The following BCAS3 variants were observed in gnomAD, a reference collection of about 807,000 sequenced individuals.
BCAS3 encodes BCAS4/BCAS3 fusion.
A neutral mutation model predicts 116.1 loss-of-function variants in BCAS3; 53 were observed. The observed-to-expected ratio is 0.46, with a 90% CI of 0.37 to 0.57. The LOEUF is 0.57. Among genes scored for constraint, BCAS3 ranks in the 20% least tolerant of loss-of-function variants. The pLI is 0.00. For synonymous variants in BCAS3, 391 were observed against 408.2 expected (o/e 0.96, Z 0.51); for missense variants, 917 against 1,165.4 (o/e 0.79, Z 3.10).
chr17:61,045,913 TTATATATATAATATATATAA>T (rs2068093410), intron 19 of BCAS3, among the ~76,000 whole-genome samples: 1 of 26,138 alleles, frequency 3.8e-5, no homozygotes, highest in South Asian at 1.1e-3. Context: ...AAATATATAT[TTATATATATAATATATATAA>T]ATATATATAT....
At chr17:61,163,929 A>G (rs772881068) in intron 22 of BCAS3, among the ~76,000 whole-genome samples, 44 of 149,136 alleles carry the variant, frequency 3.0e-4, no homozygotes, top group Non-Finnish European at 5.3e-4. Context: ...TCTGGGAGGC[A>G]GAGGTTGCAG....
chr17:61,336,237 C>G (rs1042483268), intron 22 of BCAS3, among the ~76,000 whole-genome samples: 2 of 152,268 alleles, frequency 1.3e-5, no homozygotes, highest in Admixed American at 1.3e-4. Context: ...TTTGGCAGCT[C>G]TTGAAAGCAC....
At chr17:60,741,185 GC>G (rs1434412020) in intron 5 of BCAS3, among the ~76,000 whole-genome samples, 2 of 152,140 alleles carry the variant, frequency 1.3e-5, no homozygotes, top group Non-Finnish European at 2.9e-5. Flanking sequence ...TTTTGGGGCA[GC>G]AGTTTGCTCT....
chr17:61,351,699 C>T lies in BCAS3; in HGVS notation c.2426-16628C>T, dbSNP rs533418889. Among the ~76,000 whole-genome samples the T allele has an allele frequency of 2.1e-3, 313 of 152,298 alleles. 1 individual carries two copies. The highest frequency in any genetic ancestry group is 7.2e-3 in the African/African-American group (300 of 41,564). ...CTCAATGGCCTTATAACCACCTCAT[C>T]TCTCCCCCTTCCGCATCTCAGAATG... On this transcript the variant is annotated intron_variant, in intron 22 of 23. Coordinates refer to ENST00000407086, the MANE Select transcript of BCAS3 (RefSeq NM_017679.5).
At chr17:60,784,392 A>G (rs9910391) in intron 6 of BCAS3, among the ~76,000 whole-genome samples, 40,899 of 144,614 alleles carry the variant, frequency 0.28, 11,148 homozygotes, top group African/African-American at 0.72. Flanking sequence ...TCCACCTCCC[A>G]GGTTCATGCC....
chr17:60,684,158 G>A (rs1023328003), intron 3 of BCAS3, 122 bp downstream of exon 3: 1 of 849,438 alleles, frequency 1.2e-6, no homozygotes, highest in Non-Finnish European at 1.9e-6. Context: ...TTAGCATCCT[G>A]AGCATTCGTA....
At chr17:61,033,065 T>G (rs2066758980) in intron 16 of BCAS3, among the ~76,000 whole-genome samples, 1 of 152,140 alleles carries the variant, frequency 6.6e-6, no homozygotes, top group Admixed American at 6.6e-5. Flanking sequence ...ACTGGGAAAC[T>G]GAGATTACCA....
chr17:60,866,830 A>G (rs895556693), intron 7 of BCAS3, among the ~76,000 whole-genome samples: 6 of 151,994 alleles, frequency 3.9e-5, no homozygotes, highest in African/African-American at 1.4e-4. Context: ...TATTGATTCT[A>G]TTATCTTTAA....
At chr17:60,913,179 C>A (rs2058606733) in intron 12 of BCAS3, among the ~76,000 whole-genome samples, 2 of 151,886 alleles carry the variant, frequency 1.3e-5, no homozygotes, top group South Asian at 4.1e-4. Context: ...ACACTTGAAA[C>A]AAATATGTTT....
At chr17:60,678,248 G>T (rs536636295) in intron 1 of BCAS3, among the ~76,000 whole-genome samples, 1 of 152,310 alleles carries the variant, frequency 6.6e-6, no homozygotes, top group South Asian at 2.1e-4. Context: ...TGAGAGGGCT[G>T]AGGGGCTGGA....
intron 23 of BCAS3, chr17:61,389,489 A>G (rs1603230229): frequency 6.6e-6 from 1 of 152,380 alleles, no homozygotes; most frequent in South Asian, 2.1e-4. Flanking sequence ...TGTGCTGTAC[A>G]TAGCCCACTC....
intron 6 of BCAS3, among the ~76,000 whole-genome samples, chr17:60,789,652 G>C (rs1297500672): frequency 6.6e-6 from 1 of 152,128 alleles, no homozygotes; most frequent in Non-Finnish European, 1.5e-5. Context: ...CTGTAGAACA[G>C]GTGTGTGTAA....
At position 61,104,601 on chromosome 17, in the gene BCAS3, G is replaced by A. The variant is rs192349962; in HGVS notation, c.2425+20037G>A. Among the ~76,000 whole-genome samples the A allele has an allele frequency of 4.6e-5, 7 of 152,244 alleles. No individual in the cohort carries two copies. Among genetic ancestry groups the A allele is most frequent in the Admixed American group, 1.3e-4 (2 of 15,288 alleles). On this transcript the variant is annotated intron_variant, in intron 22 of 23. Transcript: ENST00000407086. This position sits in a 1 kb window ranked among gnomAD's most constrained non-coding sequence, Gnocchi z 4.1. ...TAGCAGTCTCATTTACTTAGGATCC[G>A]TGTCAGCGCCTTGAGCTCCAAATCG...
At position 61,332,662 on chromosome 17, in the gene BCAS3, C is replaced by A. The variant is rs752092009; in HGVS notation, c.2426-35665C>A. Reference sequence around the variant, plus strand: ...ATAGAGTCTTGCTCTGTCACCCAGGCTGGAGTGCAATGGCATGATCTCGGC... The same window carrying A: ...ATAGAGTCTTGCTCTGTCACCCAGGATGGAGTGCAATGGCATGATCTCGGC... On this transcript the variant is annotated intron_variant, in intron 22 of 23. Coordinates refer to ENST00000407086, the MANE Select transcript of BCAS3 (RefSeq NM_017679.5). This position sits in a 1 kb window ranked among gnomAD's most constrained non-coding sequence, Gnocchi z 5.4. Among the ~76,000 whole-genome samples the A allele has an allele frequency of 2.6e-5, 4 of 152,146 alleles. No homozygotes were observed. The highest frequency in any genetic ancestry group is 1.3e-4 in the Admixed American group (2 of 15,274).
intron 22 of BCAS3, among the ~76,000 whole-genome samples, chr17:61,271,169 C>G (rs1387446261): frequency 6.8e-6 from 1 of 146,404 alleles, no homozygotes; most frequent in East Asian, 2.0e-4. Flanking sequence ...GCTCTGTTCC[C>G]CAGGCTGGAG....
rs1283975464 is a variant in BCAS3 at position 61,041,880 on chromosome 17, A to G, written c.2029+988A>G. 4.6e-5 allele frequency among the ~76,000 whole-genome samples: 7 copies of G among 151,992 alleles called. No homozygotes were observed. Among genetic ancestry groups the G allele is most frequent in the Non-Finnish European group, 8.8e-5 (6 of 67,954 alleles). On this transcript the variant is annotated intron_variant, in intron 19 of 23. Transcript: ENST00000407086. The surrounding 1 kb of genome is among the most constrained non-coding windows in gnomAD (Gnocchi z 4.7). ...AGGGCATTTTTATTGAGTGCCTACTATGTGTGAGGCAGTTCTGATTTAAAG... is the reference window on the plus strand; with the variant it reads ...AGGGCATTTTTATTGAGTGCCTACTGTGTGTGAGGCAGTTCTGATTTAAAG...
intron 6 of BCAS3, among the ~76,000 whole-genome samples, chr17:60,777,950 C>G (rs9903888): frequency 0.19 from 28,222 of 152,054 alleles, 4,083 homozygotes; most frequent in African/African-American, 0.41. Context: ...CCACTCCTTT[C>G]ACAATTCCTA....
chr17:60,705,795 A>G (rs1376941158), intron 4 of BCAS3, among the ~76,000 whole-genome samples: 3 of 152,196 alleles, frequency 2.0e-5, no homozygotes, highest in African/African-American at 7.2e-5. Context: ...CTTCTTTTAG[A>G]CATAGATCTT....
chr17:60,709,756 T>C (rs1412205137), intron 5 of BCAS3, among the ~76,000 whole-genome samples: 1 of 152,180 alleles, frequency 6.6e-6, no homozygotes, highest in Non-Finnish European at 1.5e-5. Context: ...CTAAGTGCAT[T>C]TGTAATTTTG....
Sources: allele counts gnomAD v4.1 joint callset (sites outside exome capture counted in the v4.1 genomes callset), GRCh38; gene constraint gnomAD v4.1.1; non-coding constraint Gnocchi (gnomAD v3.1); transcripts MANE v1.5; gene names NCBI Gene and HGNC (gene_info 2026-07-23, HGNC 2026-07-21).